The following ANKAR variants were observed in gnomAD, a reference collection of about 807,000 sequenced individuals.
The protein encoded by ANKAR is ankyrin and armadillo repeat-containing protein.
Under a neutral mutation model 146.2 loss-of-function variants are expected in ANKAR, and 136 were observed. The ratio of observed to expected loss-of-function variants is 0.93; its 90% CI spans 0.81 to 1.07. The LOEUF (loss-of-function observed/expected upper bound fraction) is 1.07, where lower values mean the gene tolerates loss of function less well. Ranked by LOEUF, ANKAR falls within the 50% of genes least tolerant of loss-of-function variation. ANKAR has a pLI of 0.00. For synonymous variants in ANKAR, 500 were observed against 575.8 expected (o/e 0.87, Z 1.88); for missense variants, 1,567 against 1,679.9 (o/e 0.93, Z 1.18).
At chr2:189,707,317 G>A (rs2039073973) in intron 9 of ANKAR, among the ~76,000 whole-genome samples, 171 bp downstream of exon 9, 1 of 151,558 alleles carries the variant, frequency 6.6e-6, no homozygotes, top group Admixed American at 6.6e-5. Flanking sequence ...ATAAAGAGCT[G>A]CATTTTTGTG....
rs1300512633 is a variant in ANKAR at position 189,732,889 on chromosome 2, C to T, written c.3301-218C>T. On this transcript the variant is annotated intron_variant, in intron 16 of 22. Transcript: ENST00000684021. Reference sequence around the variant, plus strand: ...CCTCAAATGGAGCTCTGTGGTTGGTCCCTGAACACAGAAAGGATATTTTCT... The same window carrying T: ...CCTCAAATGGAGCTCTGTGGTTGGTTCCTGAACACAGAAAGGATATTTTCT... 3.9e-5 allele frequency among the ~76,000 whole-genome samples: 6 copies of T among 152,012 alleles called. No homozygotes were observed. In the East Asian group the frequency reaches 1.2e-3, roughly 29 times the overall value.
At chr2:189,713,555 G>A (rs2039999361) in intron 10 of ANKAR, among the ~76,000 whole-genome samples, 1 of 152,146 alleles carries the variant, frequency 6.6e-6, no homozygotes. Flanking sequence ...TTACAGACAA[G>A]CAAATCCTGA....
rs922313390 is a variant in ANKAR, at chr2:189,754,025, A to G, written c.*585-7073A>G. ...CATTGTGTGCTGTACTGTGGCAGCAATGTCTGCTGCTGAAGACAGGATTTG... is the reference window on the plus strand; with the variant it reads ...CATTGTGTGCTGTACTGTGGCAGCAGTGTCTGCTGCTGAAGACAGGATTTG... On this transcript the variant is annotated intron_variant and NMD_transcript_variant, in intron 18 of 18. Coordinates refer to the ANKAR transcript ENST00000441800. 7 of 1,613,572 alleles carry G rather than the reference A, an allele frequency of 4.3e-6. No homozygotes were observed. The highest frequency in any genetic ancestry group is 5.9e-6 in the Non-Finnish European group (7 of 1,179,776).
chr2:189,712,994 C>T (rs541801907), intron 10 of ANKAR, among the ~76,000 whole-genome samples: 6 of 151,934 alleles, frequency 3.9e-5, no homozygotes, highest in East Asian at 1.9e-4. Flanking sequence ...CTTCAATAGC[C>T]GATTCGATCA....
chr2:189,748,162 C>T (rs1485001957), downstream of ANKAR, among the ~76,000 whole-genome samples: 2 of 152,140 alleles, frequency 1.3e-5, no homozygotes, highest in Non-Finnish European at 2.9e-5. Context: ...GTGCTAGAGT[C>T]CAAAGTCAGT....
At chr2:189,730,629 AT>A (rs2042321739) in intron 16 of ANKAR, 28 bp downstream of exon 16, 1 of 1,209,464 alleles carries the variant, frequency 8.3e-7, no homozygotes, top group African/African-American at 1.6e-5. Flanking sequence ...GTTTTCTGAT[AT>A]GGTAAAAATT....
At position 189,730,616 on chromosome 2, in the gene ANKAR, A is replaced by C. The variant is rs139681971; in HGVS notation, c.3300+15A>C. ...CTAACATTAAGGTATAAAGGTTTAC[A>C]TTGTTTTCTGATATGGTAAAAATTA... On this transcript the variant is annotated intron_variant, in intron 16 of 22. Coordinates refer to ENST00000684021, the MANE Select transcript of ANKAR (RefSeq NM_001378068.1). 5 of 1,388,474 alleles carry C rather than the reference A, an allele frequency of 3.6e-6. No homozygotes were observed. In the East Asian group the frequency reaches 1.0e-4, roughly 28 times the overall value. 86.0% of individuals were successfully genotyped at this position (1,388,474 alleles called of 1,614,324 possible).
At position 189,755,477 on chromosome 2, in the gene ANKAR, C is replaced by T. The variant is rs1466948567; in HGVS notation, c.*585-5621C>T. The stretch of plus-strand genomic sequence containing the variant: ...TGAGAGGTCACTTGGAGAGACTCCA[C>T]TGGCAGAAAGAGCTTCTTGTACTAT... On this transcript the variant is annotated intron_variant and NMD_transcript_variant, in intron 18 of 18. Coordinates refer to the ANKAR transcript ENST00000441800. 5 of 1,601,854 alleles carry T rather than the reference C, an allele frequency of 3.1e-6. No individual in the cohort carries two copies. In the South Asian group the frequency reaches 5.7e-5, roughly 18 times the overall value.
rs1451337279 is a variant in ANKAR, at chr2:189,728,417, G to T, written c.3028G>T (p.Val1010Phe). 6.3e-7 allele frequency: 1 copy of T among 1,589,968 alleles called. No individual in the cohort carries two copies. Among genetic ancestry groups the T allele is most frequent in the African/African-American group, 1.4e-5 (1 of 70,984 alleles). ...LLSPSAKMQY[V>F]GGEAVIALSK... ...GTCACCATCAGCTAAAATGCAGTAT[G>T]TTGGTAAGTTATTTTCCTTATTTTA... The change falls in exon 14 of 23, where the codon GTT becomes TTT. Residue 1010 changes from valine (V) to phenylalanine (F), a missense_variant. Physicochemically the swap from Val to Phe is conservative, Grantham distance 50. Transcript: ENST00000684021.
intron 12 of ANKAR, among the ~76,000 whole-genome samples, chr2:189,724,393 C>G (rs369604566): frequency 3.0e-4 from 46 of 152,246 alleles, no homozygotes; most frequent in African/African-American, 7.2e-4. Context: ...TTTTACTTCC[C>G]TACTTCAAGA....
rs1427070300 is a variant in ANKAR at position 189,741,322 on chromosome 2, T to TCA, written c.3701-20_3701-19insCA. ...TATATCAATTAAATAACACAAGCAT[T>TCA]TTTCTTGTTTAATTTATAGGGAATT... On this transcript the variant is annotated intron_variant, in intron 19 of 22. Coordinates refer to ENST00000684021, the MANE Select transcript of ANKAR (RefSeq NM_001378068.1). 4.6e-6 allele frequency: 7 copies of TCA among 1,535,350 alleles called. No homozygotes were observed. The Admixed American group carries it at 1.2e-4, about 26-fold the overall frequency.
intron 12 of ANKAR, among the ~76,000 whole-genome samples, chr2:189,727,482 C>G (rs1340805919): frequency 7.4e-6 from 1 of 135,176 alleles, no homozygotes; most frequent in African/African-American, 2.9e-5. Context: ...ATCACACACA[C>G]CACTGCACTC....
intron 12 of ANKAR, among the ~76,000 whole-genome samples, chr2:189,722,665 A>G (rs1559119787): frequency 6.6e-6 from 1 of 152,162 alleles, no homozygotes; most frequent in South Asian, 2.1e-4. Context: ...GGTGGATCAC[A>G]AGGTCAGGAG....
At chr2:189,742,406 A>G (rs1157652682) in intron 20 of ANKAR, among the ~76,000 whole-genome samples, 1 of 152,116 alleles carries the variant, frequency 6.6e-6, no homozygotes, top group Non-Finnish European at 1.5e-5. Context: ...TTAATTAATC[A>G]TATGACCAAT....
chr2:189,714,107 TA>T (rs2040086852), intron 10 of ANKAR, among the ~76,000 whole-genome samples: 1 of 152,188 alleles, frequency 6.6e-6, no homozygotes, highest in Non-Finnish European at 1.5e-5. Flanking sequence ...CCTAGATTCA[TA>T]AAGCAAGTTC....
At chr2:189,732,840 C>T (rs914098462) in intron 16 of ANKAR, among the ~76,000 whole-genome samples, 1 of 152,016 alleles carries the variant, frequency 6.6e-6, no homozygotes, top group African/African-American at 2.4e-5. Context: ...ATGCTCTGCT[C>T]GCCCTTGTTC....
In ANKAR at chr2:189,676,726, G is replaced by A. The variant is rs562136923; in HGVS notation, c.236G>A (p.Gly79Asp). 1 of 1,614,114 alleles carries A rather than the reference G, an allele frequency of 6.2e-7. No homozygotes were observed. The highest frequency in any genetic ancestry group is 1.7e-5 in the Admixed American group (1 of 60,018). Residue 79 changes from glycine to aspartate, a missense_variant, in exon 2 of 23, where the codon GGC (glycine) becomes GAC (aspartate). Coordinates refer to ENST00000684021, the MANE Select transcript of ANKAR (RefSeq NM_001378068.1). ...CGIMSQMNNVGFSTAILLTPV... is the reference protein window; with the variant it reads ...CGIMSQMNNVDFSTAILLTPV... ...ATTATGAGTCAAATGAATAACGTAG[G>A]CTTCTCCACTGCAATCCTACTGACT...
chr2:189,745,166 G>A (rs900865641), intron 22 of ANKAR, among the ~76,000 whole-genome samples: 12 of 151,930 alleles, frequency 7.9e-5, no homozygotes, highest in African/African-American at 2.7e-4. Context: ...ACTCTGGCCT[G>A]GGTGACAGAG....
chr2:189,743,988 TC>T (rs1317861076), intron 21 of ANKAR, among the ~76,000 whole-genome samples: 1 of 151,940 alleles, frequency 6.6e-6, no homozygotes, highest in Admixed American at 6.6e-5. Context: ...CAAACTTAAC[TC>T]CCCCCAAAAA....
Sources: allele counts gnomAD v4.1 joint callset (sites outside exome capture counted in the v4.1 genomes callset), GRCh38; gene constraint gnomAD v4.1.1; transcripts MANE v1.5; gene names NCBI Gene and HGNC (gene_info 2026-07-23, HGNC 2026-07-21).